Variants in NCAM2 observed in about 807,000 individuals in gnomAD.
NCAM2 encodes the protein N-CAM-2.
NCAM2 carries 30 observed loss-of-function variants against 98.1 expected under a neutral mutation model. The observed-to-expected ratio is 0.31, with a 90% CI of 0.23 to 0.41. The LOEUF is 0.41. Ranked by LOEUF, NCAM2 falls within the 10% of genes least tolerant of loss-of-function variation. The pLI is 1.00. For missense variants in NCAM2, 867 were observed against 1,005.8 expected (o/e 0.86, Z 1.87); for synonymous variants, 368 against 342.4 (o/e 1.07, Z -0.83).
intron 1 of NCAM2, among the ~76,000 whole-genome samples, chr21:21,260,564 G>A (rs200740906): frequency 4.0e-4 from 60 of 149,172 alleles, no homozygotes; most frequent in Non-Finnish European, 3.7e-4. Flanking sequence ...CCTTCTTGAA[G>A]AAAAAAAAAA....
intron 1 of NCAM2, among the ~76,000 whole-genome samples, chr21:21,262,394 A>AAC (rs771291233): frequency 6.6e-6 from 1 of 151,890 alleles, no homozygotes; most frequent in Non-Finnish European, 1.5e-5. Context: ...ATCTGACAAG[A>AAC]ACACACACAC....
chr21:21,494,678 G>A (rs907155763), intron 15 of NCAM2, among the ~76,000 whole-genome samples: 4 of 151,874 alleles, frequency 2.6e-5, no homozygotes, highest in African/African-American at 9.7e-5. Flanking sequence ...TATTTTATAT[G>A]TGCCAAAATG....
At chr21:21,382,692 GT>G (rs1470931344) in intron 9 of NCAM2, among the ~76,000 whole-genome samples, 2 of 151,314 alleles carry the variant, frequency 1.3e-5, no homozygotes, top group African/African-American at 4.9e-5. Flanking sequence ...ATTTTGTTTT[GT>G]TTTGTTTTTT....
intron 8 of NCAM2, among the ~76,000 whole-genome samples, chr21:21,353,552 T>A (rs2075396531): frequency 6.6e-6 from 1 of 152,166 alleles, no homozygotes; most frequent in South Asian, 2.1e-4. Context: ...CTATGCTAGA[T>A]GAAGATAGAT....
At chr21:21,183,186 G>A (rs774607273) in intron 1 of NCAM2, among the ~76,000 whole-genome samples, 98 of 152,076 alleles carry the variant, frequency 6.4e-4, no homozygotes, top group Admixed American at 2.6e-4. Flanking sequence ...TATGAGACAG[G>A]CGTTTGTTTA....
intron 1 of NCAM2, among the ~76,000 whole-genome samples, chr21:21,214,119 C>T (rs956707786): frequency 2.6e-5 from 4 of 152,212 alleles, no homozygotes; most frequent in Middle Eastern, 3.4e-3. Context: ...TTCACTCATA[C>T]TAAAGATGTG....
intron 8 of NCAM2, among the ~76,000 whole-genome samples, chr21:21,354,366 T>C (rs1459517422): frequency 1.3e-5 from 2 of 152,194 alleles, no homozygotes; most frequent in Non-Finnish European, 2.9e-5. Context: ...TGTATTCATG[T>C]GCTGCCTGAA....
chr21:21,291,558 CTTA>C (rs2073295742), intron 4 of NCAM2, among the ~76,000 whole-genome samples: 1 of 151,670 alleles, frequency 6.6e-6, no homozygotes, highest in Non-Finnish European at 1.5e-5. Context: ...TACAGATTAT[CTTA>C]TTAGCCAAAA....
intron 1 of NCAM2, among the ~76,000 whole-genome samples, chr21:21,093,586 C>T (rs2066058040): frequency 6.6e-6 from 1 of 151,960 alleles, no homozygotes; most frequent in Admixed American, 6.6e-5. Flanking sequence ...ACAGGGTAAG[C>T]CACCATGCTG....
chr21:21,213,103 GA>G (rs1384520607), intron 1 of NCAM2, among the ~76,000 whole-genome samples: 1 of 152,078 alleles, frequency 6.6e-6, no homozygotes, highest in Admixed American at 6.6e-5. Context: ...ATGTATGAAT[GA>G]ATGAATGAAT....
intron 9 of NCAM2, among the ~76,000 whole-genome samples, chr21:21,405,832 A>G (rs1441050113): frequency 6.6e-6 from 1 of 152,196 alleles, no homozygotes; most frequent in Non-Finnish European, 1.5e-5. Flanking sequence ...TAACATTTCT[A>G]AACTACAATC....
intron 1 of NCAM2, among the ~76,000 whole-genome samples, chr21:21,021,981 A>G (rs562588267): frequency 6.6e-6 from 1 of 152,242 alleles, no homozygotes; most frequent in Admixed American, 6.5e-5. Flanking sequence ...TGATATTGTT[A>G]TTTATACTTA....
chr21:21,234,872 T>C (rs1052117487), intron 1 of NCAM2, among the ~76,000 whole-genome samples: 1 of 152,078 alleles, frequency 6.6e-6, no homozygotes, highest in Non-Finnish European at 1.5e-5. Context: ...TTCAGTAGAT[T>C]CTTTTTCAAT....
chr21:21,195,852 C>G (rs568785766), intron 1 of NCAM2, among the ~76,000 whole-genome samples: 49 of 152,196 alleles, frequency 3.2e-4, no homozygotes, highest in African/African-American at 1.1e-3. Context: ...TCAAAAGTGC[C>G]AAACCTAGGA....
intron 1 of NCAM2, among the ~76,000 whole-genome samples, chr21:21,233,169 C>T (rs756395538): frequency 6.6e-6 from 1 of 151,354 alleles, no homozygotes; most frequent in Admixed American, 6.6e-5. Flanking sequence ...GCAAGTTCTT[C>T]TTTCTTTGTT....
intron 1 of NCAM2, among the ~76,000 whole-genome samples, chr21:21,011,473 A>G (rs1235661255): frequency 6.6e-6 from 1 of 152,062 alleles, no homozygotes; most frequent in Non-Finnish European, 1.5e-5. Context: ...GCTGTATAAT[A>G]CATATATTTA....
intron 5 of NCAM2, among the ~76,000 whole-genome samples, chr21:21,312,103 T>A (rs2074073407): frequency 6.6e-6 from 1 of 152,136 alleles, no homozygotes; most frequent in Non-Finnish European, 1.5e-5. Flanking sequence ...AAGTATTCAC[T>A]TCTTTACCTA....
chr21:21,230,437 T>C (rs184489384), intron 1 of NCAM2, among the ~76,000 whole-genome samples: 4 of 151,492 alleles, frequency 2.6e-5, no homozygotes, highest in Non-Finnish European at 5.9e-5. Flanking sequence ...CATTATGTGA[T>C]TTTACTGGAC....
chr21:21,504,778 CTT>C (rs1242959687), intron 15 of NCAM2, among the ~76,000 whole-genome samples: 1 of 151,400 alleles, frequency 6.6e-6, no homozygotes, highest in Non-Finnish European at 1.5e-5. Context: ...AACTTATAAA[CTT>C]ATTATTTTTC....
Sources: gnomAD v4.1 joint callset for allele counts (sites outside exome capture counted in the v4.1 genomes callset) on GRCh38, gnomAD v4.1.1 for gene constraint, MANE v1.5 for transcripts, NCBI Gene and HGNC (gene_info 2026-07-23, HGNC 2026-07-21) for gene names.